DRC3: variants seen among roughly 807,000 people sequenced by gnomAD.
DRC3 encodes the protein leucine rich repeat containing 48.
DRC3 carries 45 observed loss-of-function variants against 57.6 expected under a neutral mutation model. The ratio of observed to expected loss-of-function variants is 0.78; its 90% CI spans 0.62 to 1.00. The LOEUF (loss-of-function observed/expected upper bound fraction) is 1.00. Ranked by LOEUF, DRC3 falls within the 50% of genes least tolerant of loss-of-function variation. The probability of loss-of-function intolerance (pLI) is 0.00; values close to 1 mark genes in which losing one functional copy is unlikely to be tolerated. For synonymous variants in DRC3, 257 were observed against 272.3 expected (o/e 0.94, Z 0.55); for missense variants, 655 against 675.2 (o/e 0.97, Z 0.33).
chr17:17,984,001 T>A, intron 4 of DRC3, 57 bp downstream of exon 4: 1 of 1,118,960 alleles, frequency 8.9e-7, no homozygotes, highest in South Asian at 1.3e-5. Flanking sequence ...CTGACAAGGT[T>A]ATTGCCTTCC....
chr17:17,981,903 G>T (rs945317326), intron 3 of DRC3, among the ~76,000 whole-genome samples: 3 of 152,036 alleles, frequency 2.0e-5, no homozygotes, highest in Non-Finnish European at 4.4e-5. Context: ...GGCCAGGCTG[G>T]TCTCAAACTC....
intron 3 of DRC3, among the ~76,000 whole-genome samples, chr17:17,980,341 C>T (rs1287836080): frequency 6.6e-6 from 1 of 151,448 alleles, no homozygotes; most frequent in Admixed American, 6.6e-5. Flanking sequence ...GGCTGGAGTG[C>T]TAGAGTGCAG....
At position 17,977,588 on chromosome 17, in the gene DRC3, C is replaced by T. The variant is rs779990956; in HGVS notation, c.-11C>T. On this transcript the variant is annotated 5_prime_UTR_variant, in exon 3 of 14. The change creates a new upstream start codon in the 5' untranslated region. Transcript: ENST00000399187. The stretch of plus-strand genomic sequence containing the variant: ...AGAATGCGGTGTTTTTTAGGGAAAA[C>T]GTGGGGGAAGATGAACCAGCCGTGC... 1.9e-5 allele frequency: 30 copies of T among 1,613,664 alleles called. No individual in the cohort carries two copies. The South Asian group carries it at 1.9e-4, about 10-fold the overall frequency.
At chr17:17,981,752 C>G (rs1434588206) in intron 3 of DRC3, among the ~76,000 whole-genome samples, 1 of 152,172 alleles carries the variant, frequency 6.6e-6, no homozygotes, top group Non-Finnish European at 1.5e-5. Context: ...GGCTGCAGTG[C>G]AGTGGCATGA....
intron 6 of DRC3, chr17:17,993,991 G>A (rs942812918): frequency 4.2e-5 from 14 of 331,882 alleles, no homozygotes; most frequent in South Asian, 1.6e-4. Context: ...AGTCTGGGGC[G>A]AGGGGAGCGC....
chr17:17,974,211 GGTGA>G (rs2042277653), intron 2 of DRC3, among the ~76,000 whole-genome samples: 1 of 152,172 alleles, frequency 6.6e-6, no homozygotes, highest in Admixed American at 6.5e-5. Context: ...TCTGGATATT[GGTGA>G]GTATTAGCCC....
chr17:17,975,305 T>G (rs1385303491), intron 2 of DRC3, among the ~76,000 whole-genome samples: 1 of 150,992 alleles, frequency 6.6e-6, no homozygotes, highest in African/African-American at 2.4e-5. Flanking sequence ...TCCAACTCCC[T>G]GGTTCAAGCG....
rs34508417 is a variant in DRC3, at chr17:18,000,299, C to CGT, written c.999+2681_999+2682dup. 1.9e-3 allele frequency among the ~76,000 whole-genome samples: 227 copies of CGT among 119,282 alleles called. 2 individuals carry two copies. Among genetic ancestry groups the CGT allele is most frequent in the African/African-American group, 6.9e-3 (203 of 29,220 alleles). 78.3% of individuals were successfully genotyped at this position (119,282 alleles called of 152,430 possible). A position where few individuals can be genotyped will look rare whatever the true frequency, so the allele number is the denominator to read the frequency against. On this transcript the variant is annotated intron_variant, in intron 9 of 13. Coordinates refer to ENST00000399187, the MANE Select transcript of DRC3 (RefSeq NM_031294.4). ...CATGCCTTGCTCTGTACTTTGCTTT[C>CGT]GTGTGTGTGTGTGTGTGCGCGCATA...
At chr17:18,007,504 C>T in intron 12 of DRC3, 1 of 1,549,444 alleles carries the variant, frequency 6.5e-7, no homozygotes. Context: ...TCTTCTTAAC[C>T]TTAGAGTCTG....
intron 5 of DRC3, among the ~76,000 whole-genome samples, chr17:17,991,576 G>A (rs896096004): frequency 1.5e-4 from 23 of 152,040 alleles, no homozygotes; most frequent in Admixed American, 4.6e-4. Flanking sequence ...GATTACAGGC[G>A]TGAGCCTTGT....
chr17:18,014,221 C>T (rs1394649311), intron 12 of DRC3, among the ~76,000 whole-genome samples: 1 of 152,156 alleles, frequency 6.6e-6, no homozygotes, highest in Non-Finnish European at 1.5e-5. Flanking sequence ...GACACCGTGC[C>T]CGGCCAGTGC....
chr17:18,015,764 G>A lies in DRC3; in HGVS notation c.1327-300G>A, dbSNP rs142333381. Reference sequence around the variant, plus strand: ...TTGTGAGAACAGATGTCCTGGGTGAGGTGCCCCCTGGGCAGCCATCTGCCT... The same window carrying A: ...TTGTGAGAACAGATGTCCTGGGTGAAGTGCCCCCTGGGCAGCCATCTGCCT... On this transcript the variant is annotated intron_variant, in intron 12 of 13. Coordinates refer to ENST00000399187, the MANE Select transcript of DRC3 (RefSeq NM_031294.4). The A allele has an allele frequency of 2.3e-4, 71 of 306,628 alleles. No homozygotes were observed. In the East Asian group the frequency reaches 2.9e-3, roughly 12 times the overall value. 19.0% of individuals were successfully genotyped at this position (306,628 alleles called of 1,614,324 possible).
intron 4 of DRC3, 41 bp downstream of exon 4, chr17:17,983,985 G>T: frequency 7.7e-7 from 1 of 1,295,850 alleles, no homozygotes; most frequent in South Asian, 1.2e-5. Flanking sequence ...AATCGAAGGT[G>T]ACACCCTGAC....
intron 5 of DRC3, among the ~76,000 whole-genome samples, chr17:17,990,396 A>G (rs756249503): frequency 1.3e-5 from 2 of 152,140 alleles, no homozygotes; most frequent in African/African-American, 2.4e-5. Flanking sequence ...CTCTACTCCC[A>G]TCTCAACTTC....
chr17:18,004,334 A>C, intron 9 of DRC3, 29 bp from the exon 10 acceptor site: 1 of 1,583,044 alleles, frequency 6.3e-7, no homozygotes, highest in East Asian at 2.3e-5. Flanking sequence ...TTAGTTGTTG[A>C]TTCCTAAAGT....
rs773801266 is a variant in DRC3, at chr17:17,977,703, C to T, written c.105C>T (p.Ala35=). 4 of 1,613,536 alleles carry T rather than the reference C, an allele frequency of 2.5e-6. No individual in the cohort carries two copies. The highest frequency in any genetic ancestry group is 3.4e-6 in the Non-Finnish European group (4 of 1,179,776). The change falls in exon 3 of 14, where the codon GCC becomes GCT. Residue 35 remains alanine (A), a synonymous_variant. Transcript: ENST00000399187. ...QGPQEEAGQL[A]KQEGILFKDV... Reference sequence around the variant, plus strand: ...CCCAGGAGGAGGCCGGGCAGCTGGCCAAGCAGGAGGGCATCCTCTTCAAGG... The same window carrying T: ...CCCAGGAGGAGGCCGGGCAGCTGGCTAAGCAGGAGGGCATCCTCTTCAAGG...
At chr17:17,988,553 T>G (rs1289741631) in intron 5 of DRC3, 1 of 160,944 alleles carries the variant, frequency 6.2e-6, no homozygotes, top group Non-Finnish European at 1.4e-5. Flanking sequence ...GAGGGCACCC[T>G]GAGGCTTAGG....
chr17:18,015,808 G>C (rs1219944549), intron 12 of DRC3: 1 of 387,854 alleles, frequency 2.6e-6, no homozygotes, highest in African/African-American at 2.0e-5. Flanking sequence ...GAGGAAACAT[G>C]CTTCCAGCGG....
chr17:18,005,719 A>T (rs1249914162), intron 10 of DRC3: 8 of 166,184 alleles, frequency 4.8e-5, no homozygotes, highest in East Asian at 1.6e-4. Context: ...CAGATGAGGA[A>T]GATAAGGCCC....
Sources: gnomAD v4.1 joint callset for allele counts (sites outside exome capture counted in the v4.1 genomes callset) on GRCh38, gnomAD v4.1.1 for gene constraint, MANE v1.5 for transcripts, NCBI Gene and HGNC (gene_info 2026-07-23, HGNC 2026-07-21) for gene names.